KIRREL3: variants seen among roughly 807,000 people sequenced by gnomAD.
KIRREL3 encodes the protein kin of IRRE-like protein 3.
A neutral mutation model predicts 89.7 loss-of-function variants in KIRREL3; 36 were observed. The observed-to-expected ratio is 0.40, with a 90% CI of 0.31 to 0.53. The LOEUF (loss-of-function observed/expected upper bound fraction) is 0.53, where lower values mean the gene tolerates loss of function less well. Among genes scored for constraint, KIRREL3 ranks in the 20% least tolerant of loss-of-function variants. The pLI is 0.49. For missense variants in KIRREL3, 864 were observed against 1,056.6 expected (o/e 0.82, Z 2.53); for synonymous variants, 445 against 441.4 (o/e 1.01, Z -0.10).
intron 1 of KIRREL3, among the ~76,000 whole-genome samples, chr11:126,907,749 C>T (rs1175203153): frequency 6.6e-6 from 1 of 152,136 alleles, no homozygotes; most frequent in Non-Finnish European, 1.5e-5. Context: ...GACACGAAGT[C>T]AGCAGGATCG....
chr11:126,848,671 G>A (rs1944233284), intron 1 of KIRREL3, among the ~76,000 whole-genome samples: 1 of 152,132 alleles, frequency 6.6e-6, no homozygotes, highest in Non-Finnish European at 1.5e-5. Flanking sequence ...TGCTTATTTT[G>A]TTATATTGCT....
At chr11:126,824,489 G>A (rs908819636) in intron 1 of KIRREL3, among the ~76,000 whole-genome samples, 2 of 152,184 alleles carry the variant, frequency 1.3e-5, no homozygotes, top group African/African-American at 2.4e-5. Flanking sequence ...GGTCTCAATC[G>A]ATCCAGAAAG....
In KIRREL3 at chr11:126,551,319, G is replaced by T. The variant is rs979609769; in HGVS notation, c.133+11516C>A. Among the ~76,000 whole-genome samples, 3 of 152,100 alleles carry T rather than the reference G, an allele frequency of 2.0e-5. No individual in the cohort carries two copies. Among genetic ancestry groups the T allele is most frequent in the Non-Finnish European group, 2.9e-5 (2 of 68,014 alleles). ...ACCCACAATCAGAAAGTGGTGAAAG[G>T]TTAGAGTCCTGCGATGGGGCAGGGG... is the stretch of plus-strand genomic sequence containing the variant. On this transcript the variant is annotated intron_variant, in intron 2 of 16. Coordinates refer to ENST00000525144, the MANE Select transcript of KIRREL3 (RefSeq NM_032531.4). This position sits in a 1 kb window ranked among gnomAD's most constrained non-coding sequence, Gnocchi z 4.9.
At chr11:126,786,804 G>T (rs1422256672) in intron 1 of KIRREL3, among the ~76,000 whole-genome samples, 1 of 152,180 alleles carries the variant, frequency 6.6e-6, no homozygotes, top group Non-Finnish European at 1.5e-5. Flanking sequence ...CTGTTGGTCT[G>T]CTTGGAGGGC....
At chr11:126,741,201 T>A (rs1948971300) in intron 1 of KIRREL3, among the ~76,000 whole-genome samples, 1 of 152,208 alleles carries the variant, frequency 6.6e-6, no homozygotes, top group Non-Finnish European at 1.5e-5. Context: ...CCATTTCCAC[T>A]TTTCCCACTC....
Position 126,923,198 on chromosome 11 carries a change from CTT to C in KIRREL3, c.55+77255_55+77256del, listed in dbSNP as rs1947474644. Among the ~76,000 whole-genome samples the C allele has an allele frequency of 2.8e-4, 2 of 7,256 alleles. 1 individual carries two copies. Among genetic ancestry groups the C allele is most frequent in the African/African-American group, 1.8e-3 (2 of 1,124 alleles). 4.8% of individuals were successfully genotyped at this position (7,256 alleles called of 152,430 possible). On this transcript the variant is annotated intron_variant, in intron 1 of 16. Transcript: ENST00000525144. ...CTTCTCTTCTTCTTCTCTTCTTCTT[CTT>C]CTTCTTCTTCTTCTTCTTCTTCTTC...
intron 1 of KIRREL3, among the ~76,000 whole-genome samples, chr11:126,889,079 C>T (rs1189335542): frequency 6.6e-6 from 1 of 152,110 alleles, no homozygotes; most frequent in Non-Finnish European, 1.5e-5. Flanking sequence ...TAAATAACGT[C>T]GTTAAAGTAG....
At position 126,657,045 on chromosome 11, in the gene KIRREL3, GACTGTGTCTCA is replaced by G. The variant is rs569388223; in HGVS notation, c.56-94144_56-94134del. Among the ~76,000 whole-genome samples the G allele has an allele frequency of 3.2e-3, 479 of 151,566 alleles. 2 individuals carry two copies. The highest frequency in any genetic ancestry group is 0.011 in the African/African-American group (459 of 41,300). ...CCATCCAGCCTGGGCAATGGAGTGA[GACTGTGTCTCA>G]AAAAAAAAGAAACAAAAAAAAACAG... On this transcript the variant is annotated intron_variant, in intron 1 of 16. Transcript: ENST00000525144.
chr11:126,433,583 CACTT>C (rs754588156), intron 13 of KIRREL3, among the ~76,000 whole-genome samples: 1 of 152,148 alleles, frequency 6.6e-6, no homozygotes. Flanking sequence ...GAATGGTGGA[CACTT>C]AGGGATTGAA....
At chr11:126,450,163 G>A (rs1053919162) in intron 7 of KIRREL3, among the ~76,000 whole-genome samples, 1 of 152,256 alleles carries the variant, frequency 6.6e-6, no homozygotes, top group Non-Finnish European at 1.5e-5. Flanking sequence ...GTATGTGGGT[G>A]TATGTGTATA....
intron 5 of KIRREL3, among the ~76,000 whole-genome samples, chr11:126,465,567 CAGG>C (rs1956695786): frequency 6.6e-6 from 1 of 152,328 alleles, no homozygotes; most frequent in African/African-American, 2.4e-5. Context: ...CTCGTGGCGT[CAGG>C]AGAACAGGGC....
chr11:126,926,136 TAAG>T (rs1947704608), intron 1 of KIRREL3, among the ~76,000 whole-genome samples: 1 of 152,168 alleles, frequency 6.6e-6, no homozygotes, highest in African/African-American at 2.4e-5. Context: ...AGATGATTGG[TAAG>T]AAGAACGCTG....
chr11:126,586,696 C>T (rs1210203898), intron 1 of KIRREL3, among the ~76,000 whole-genome samples: 1 of 152,052 alleles, frequency 6.6e-6, no homozygotes, highest in Non-Finnish European at 1.5e-5. Context: ...CTTTCTCTGG[C>T]CTGTGAGGAC....
chr11:126,810,015 G>C (rs1200980663), intron 1 of KIRREL3, among the ~76,000 whole-genome samples: 1 of 152,112 alleles, frequency 6.6e-6, no homozygotes, highest in African/African-American at 2.4e-5. Context: ...GCTCGAAATA[G>C]ATGTCTCTCA....
chr11:126,859,597 C>T (rs533294904), intron 1 of KIRREL3, among the ~76,000 whole-genome samples: 1 of 152,334 alleles, frequency 6.6e-6, no homozygotes, highest in African/African-American at 2.4e-5. Context: ...AAGCCACACA[C>T]ATAAACACTC....
At chr11:126,841,094 T>A (rs989112024) in intron 1 of KIRREL3, among the ~76,000 whole-genome samples, 6 of 152,246 alleles carry the variant, frequency 3.9e-5, no homozygotes, top group Non-Finnish European at 1.5e-5. Flanking sequence ...ATCGTAGGTA[T>A]GTATGGATAG....
intron 1 of KIRREL3, among the ~76,000 whole-genome samples, chr11:126,680,196 T>C (rs948671507): frequency 6.6e-6 from 1 of 152,156 alleles, no homozygotes; most frequent in Non-Finnish European, 1.5e-5. Context: ...TCAGTAAAGA[T>C]CGGTTGCTTT....
chr11:126,622,334 C>T lies in KIRREL3; in HGVS notation c.56-59422G>A, dbSNP rs908950867. Among the ~76,000 whole-genome samples the T allele has an allele frequency of 6.6e-6, 1 of 152,060 alleles. No homozygotes were observed. The highest frequency in any genetic ancestry group is 2.4e-5 in the African/African-American group (1 of 41,386). On this transcript the variant is annotated intron_variant, in intron 1 of 16. Coordinates refer to ENST00000525144, the MANE Select transcript of KIRREL3 (RefSeq NM_032531.4). This position sits in a 1 kb window ranked among gnomAD's most constrained non-coding sequence, Gnocchi z 5.2. ...TTTATCTCAAGTTGAACTTTGCATC[C>T]CCATTCTCTGGATTTGGGGTCATTC...
At position 126,772,104 on chromosome 11, in the gene KIRREL3, C is replaced by A. The variant is rs900680882; in HGVS notation, c.56-209192G>T. Among the ~76,000 whole-genome samples, 11 of 152,168 alleles carry A rather than the reference C, an allele frequency of 7.2e-5. No homozygotes were observed. Among genetic ancestry groups the A allele is most frequent in the African/African-American group, 2.7e-4 (11 of 41,440 alleles). On this transcript the variant is annotated intron_variant, in intron 1 of 16. Transcript: ENST00000525144. This position sits in a 1 kb window ranked among gnomAD's most constrained non-coding sequence, Gnocchi z 4.6. ...CAGCTCATTCTCAGGGCAGAAGAAC[C>A]AGTGTAGTCTCTCACTAATGTCTTA...
Sources: allele counts gnomAD v4.1 joint callset (sites outside exome capture counted in the v4.1 genomes callset), GRCh38; gene constraint gnomAD v4.1.1; non-coding constraint Gnocchi (gnomAD v3.1); transcripts MANE v1.5; gene names NCBI Gene and HGNC (gene_info 2026-07-23, HGNC 2026-07-21).